The following EIPR1 variants were observed in gnomAD, a reference collection of about 807,000 sequenced individuals.
EIPR1 encodes the protein EARP and GARP complex-interacting protein 1.
EIPR1 carries 25 observed loss-of-function variants against 48.1 expected under a neutral mutation model. That is an observed-to-expected ratio of 0.52 (90% CI 0.38 to 0.73). EIPR1 has a LOEUF of 0.73. Ranked by LOEUF, EIPR1 falls within the 30% of genes least tolerant of loss-of-function variation. The probability of loss-of-function intolerance (pLI) is 0.00; values close to 1 mark genes in which losing one functional copy is unlikely to be tolerated. For missense variants in EIPR1, 415 were observed against 506.2 expected (o/e 0.82, Z 1.73); for synonymous variants, 204 against 201.9 (o/e 1.01, Z -0.09).
At chr2:3,227,120 T>G (rs185933276) in intron 4 of EIPR1, among the ~76,000 whole-genome samples, 7 of 151,372 alleles carry the variant, frequency 4.6e-5, no homozygotes, top group African/African-American at 1.7e-4. Flanking sequence ...ACATTAGAAC[T>G]GGGTAACAGG....
intron 2 of EIPR1, among the ~76,000 whole-genome samples, chr2:3,347,190 T>A (rs747380569): frequency 2.6e-5 from 4 of 152,052 alleles, no homozygotes; most frequent in Non-Finnish European, 5.9e-5. Context: ...CCATGAAACC[T>A]CTTTTCTTCA....
chr2:3,208,965 G>C, intron 5 of EIPR1: 1 of 1,482,998 alleles, frequency 6.7e-7, no homozygotes, highest in Non-Finnish European at 9.0e-7. Flanking sequence ...CCTCTAATAG[G>C]ACAAGGGAAG....
intron 3 of EIPR1, among the ~76,000 whole-genome samples, chr2:3,324,838 C>T (rs1669645615): frequency 6.6e-6 from 1 of 152,166 alleles, no homozygotes; most frequent in South Asian, 2.1e-4. Context: ...TCCAGCACCT[C>T]GGGGGGAGGG....
chr2:3,364,324 C>T (rs1670922262), intron 1 of EIPR1, among the ~76,000 whole-genome samples: 1 of 152,120 alleles, frequency 6.6e-6, no homozygotes, highest in South Asian at 2.1e-4. Flanking sequence ...TGAAATATTA[C>T]TCAGCCATAA....
chr2:3,300,536 C>T (rs1228049874), intron 3 of EIPR1, among the ~76,000 whole-genome samples: 1 of 152,212 alleles, frequency 6.6e-6, no homozygotes, highest in Admixed American at 6.5e-5. Context: ...CGGCCACATC[C>T]TTGCCTCACA....
At chr2:3,305,682 C>T (rs1220635169) in intron 3 of EIPR1, among the ~76,000 whole-genome samples, 1 of 152,236 alleles carries the variant, frequency 6.6e-6, no homozygotes, top group African/African-American at 2.4e-5. Flanking sequence ...GGGGACCTGC[C>T]CGCCCTCCAG....
intron 3 of EIPR1, chr2:3,318,885 G>T (rs1165542644): frequency 2.1e-6 from 1 of 471,320 alleles, no homozygotes; most frequent in African/African-American, 2.0e-5. Context: ...AGAAGACCTG[G>T]TGCAACGTGT....
chr2:3,370,569 G>T (rs1198381968), intron 1 of EIPR1, among the ~76,000 whole-genome samples: 1 of 152,150 alleles, frequency 6.6e-6, no homozygotes, highest in Non-Finnish European at 1.5e-5. Flanking sequence ...GAAAGCCAAG[G>T]CTCGAGAACT....
rs76294216 is a variant in EIPR1, at chr2:3,228,543, G to A, written c.417-14295C>T. On this transcript the variant is annotated intron_variant, in intron 4 of 8. Transcript: ENST00000382125. ...GCTGGAATGAGTTAAGACTTTGGGGGACTGTTGCAAGGTCATGATTGTGTT... is the reference window on the plus strand; with the variant it reads ...GCTGGAATGAGTTAAGACTTTGGGGAACTGTTGCAAGGTCATGATTGTGTT... Among the ~76,000 whole-genome samples the A allele has an allele frequency of 3.6e-4, 55 of 152,306 alleles. 1 individual carries two copies. The East Asian group carries it at 0.01, about 29-fold the overall frequency.
At chr2:3,313,822 G>A (rs1669201149) in intron 3 of EIPR1, among the ~76,000 whole-genome samples, 1 of 152,148 alleles carries the variant, frequency 6.6e-6, no homozygotes, top group Non-Finnish European at 1.5e-5. Flanking sequence ...GGGCAGAAAT[G>A]AAGGAAAAAA....
intron 4 of EIPR1, among the ~76,000 whole-genome samples, chr2:3,251,087 A>G (rs191958997): frequency 3.5e-4 from 54 of 152,366 alleles, no homozygotes; most frequent in Non-Finnish European, 6.3e-4. Flanking sequence ...AGATGGGCAT[A>G]ATTTGATAAA....
intron 3 of EIPR1, among the ~76,000 whole-genome samples, chr2:3,283,316 G>A (rs1181334782): frequency 1.3e-5 from 2 of 152,184 alleles, no homozygotes; most frequent in African/African-American, 4.8e-5. Flanking sequence ...GGTCCGAGCA[G>A]CCAAGTAACA....
At chr2:3,297,293 T>G (rs1281749285) in intron 3 of EIPR1, among the ~76,000 whole-genome samples, 1 of 152,214 alleles carries the variant, frequency 6.6e-6, no homozygotes, top group East Asian at 1.9e-4. Flanking sequence ...AAAAGAAGGC[T>G]GAGTGGCATG....
rs35645051 is a variant in EIPR1 at position 3,312,396 on chromosome 2, C to T, written c.259+25621G>A. On this transcript the variant is annotated intron_variant, in intron 3 of 8. Transcript: ENST00000382125. The surrounding 1 kb of genome is among the most constrained non-coding windows in gnomAD (Gnocchi z 5.5). Reference sequence around the variant, plus strand: ...ACAGTCCCTGGAAGGTTCTGTGTGCCTGCTGTGGGGATGAGACTCACGTCT... The same window carrying T: ...ACAGTCCCTGGAAGGTTCTGTGTGCTTGCTGTGGGGATGAGACTCACGTCT... Among the ~76,000 whole-genome samples, 44,691 of 152,026 alleles carry T rather than the reference C, an allele frequency of 0.29. 9,142 individuals are homozygous for T. Among genetic ancestry groups the T allele is most frequent in the East Asian group, 0.64 (3,269 of 5,140 alleles).
chr2:3,289,465 C>T (rs754036315), intron 3 of EIPR1, among the ~76,000 whole-genome samples: 3 of 152,094 alleles, frequency 2.0e-5, no homozygotes, highest in Non-Finnish European at 4.4e-5. Flanking sequence ...AACTGAGGGA[C>T]CACGGGATCC....
intron 3 of EIPR1, chr2:3,319,433 T>A (rs993248987): frequency 5.9e-6 from 1 of 170,766 alleles, no homozygotes; most frequent in Non-Finnish European, 1.3e-5. Flanking sequence ...GCTGTCATTG[T>A]CATCATCTTC....
chr2:3,222,177 C>T (rs923455494), intron 4 of EIPR1, among the ~76,000 whole-genome samples: 18 of 152,354 alleles, frequency 1.2e-4, no homozygotes, highest in East Asian at 7.7e-4. Context: ...ATCACTGCAA[C>T]GCCTTCTTCC....
intron 3 of EIPR1, among the ~76,000 whole-genome samples, chr2:3,284,239 GGCCGC>G (rs1382027403): frequency 2.2e-5 from 3 of 137,724 alleles, no homozygotes; most frequent in African/African-American, 8.2e-5. Context: ...AGGCACAGAA[GGCCGC>G]GCCACGGCTG....
chr2:3,195,034 T>C (rs1249869661), intron 6 of EIPR1, among the ~76,000 whole-genome samples: 1 of 152,230 alleles, frequency 6.6e-6, no homozygotes, highest in Non-Finnish European at 1.5e-5. Flanking sequence ...CATCTATGCA[T>C]GAGAGGGCAG....
Sources: gnomAD v4.1 joint callset for allele counts (sites outside exome capture counted in the v4.1 genomes callset) on GRCh38, gnomAD v4.1.1 for gene constraint, Gnocchi (gnomAD v3.1) non-coding constraint, MANE v1.5 for transcripts, NCBI Gene and HGNC (gene_info 2026-07-23, HGNC 2026-07-21) for gene names.